The following WHRN variants were observed in gnomAD, a reference collection of about 807,000 sequenced individuals.
WHRN encodes whirlin, also known as CASK-interacting protein CIP98.
WHRN carries 41 observed loss-of-function variants against 68.3 expected under a neutral mutation model. That is an observed-to-expected ratio of 0.60 (90% CI 0.47 to 0.78). The LOEUF (loss-of-function observed/expected upper bound fraction) is 0.78. WHRN is among the 30% of genes least tolerant of loss of function. The probability of loss-of-function intolerance (pLI) is 0.00; values close to 1 mark genes in which losing one functional copy is unlikely to be tolerated. For missense variants in WHRN, 1,243 were observed against 1,244.7 expected, an observed-to-expected ratio of 1.00 and a Z score of 0.02; for synonymous variants, 560 against 561.3, an observed-to-expected ratio of 1.00 and a Z score of 0.03.
At position 114,501,551 on chromosome 9, in the gene WHRN, TACACAC is replaced by T. The variant is rs59195050; in HGVS notation, c.618+2627_618+2632del. On this transcript the variant is annotated intron_variant, in intron 1 of 11. Transcript: ENST00000362057. ...AAATTTAATTTAATTTAATTTTTAT[TACACAC>T]ACACACACACACACACACACACACA... Among the ~76,000 whole-genome samples, 28 of 144,962 alleles carry T rather than the reference TACACAC, an allele frequency of 1.9e-4. 1 individual carries two copies. The highest frequency in any genetic ancestry group is 6.7e-4 in the South Asian group (3 of 4,462).
In WHRN at chr9:114,424,343, G is replaced by C; in HGVS notation, c.1407C>G (p.Thr469=). ...GCAGGGCACGGGTCACCTTGGCGTG[G>C]GTGTTGAGCAGCTTGAACAGGGCCA... is the stretch of plus-strand genomic sequence containing the variant. ...LVMALFKLLN[T]HAKFSLLSEV... is the part of the protein sequence containing the mutation. Residue 469 remains threonine, a synonymous_variant, in exon 6 of 12, where the codon ACC becomes ACG. Transcript: ENST00000362057. The C allele has an allele frequency of 6.2e-7, 1 of 1,612,270 alleles. No homozygotes were observed. The highest frequency in any genetic ancestry group is 8.5e-7 in the Non-Finnish European group (1 of 1,180,004).
intron 3 of WHRN, among the ~76,000 whole-genome samples, chr9:114,456,151 AC>A (rs928951119): frequency 1.1e-4 from 17 of 148,380 alleles, no homozygotes; most frequent in African/African-American, 2.2e-4. Flanking sequence ...AAAAAAAAAA[AC>A]ATCTCCAAAT....
rs115097954 is a variant in WHRN at position 114,458,849 on chromosome 9, C to T, written c.963+7418G>A. Among the ~76,000 whole-genome samples, 940 of 152,332 alleles carry T rather than the reference C, an allele frequency of 6.2e-3. 10 individuals carry two copies. Among genetic ancestry groups the T allele is most frequent in the African/African-American group, 0.021 (875 of 41,574 alleles). On this transcript the variant is annotated intron_variant, in intron 3 of 11. Coordinates refer to ENST00000362057, the MANE Select transcript of WHRN (RefSeq NM_015404.4). ...TAAGAGAAATGGTGGCAGCCAATAT[C>T]CACTGAGTGATTATTCTAGGCTGGG...
At chr9:114,460,332 TA>T (rs1271056559) in intron 3 of WHRN, among the ~76,000 whole-genome samples, 26 of 152,230 alleles carry the variant, frequency 1.7e-4, no homozygotes, top group African/African-American at 6.3e-4. Flanking sequence ...GTTCATGTAT[TA>T]AATGATGTTA....
rs1467059888 is a variant in WHRN at position 114,406,694 on chromosome 9, T to C, written c.1897A>G (p.Thr633Ala). Reference protein sequence around the residue: ...APQNRSPPAGTAPTPGTSSAQ... With the variant: ...APQNRSPPAGAAPTPGTSSAQ... ...GAGGAGGTCCCTGGGGTGGGTGCGGTGCCCGCTGGCGGGCTGCGGTTCTGT... is the reference window on the plus strand; with the variant it reads ...GAGGAGGTCCCTGGGGTGGGTGCGGCGCCCGCTGGCGGGCTGCGGTTCTGT... Residue 633 changes from threonine (T) to alanine (A), a missense_variant, in exon 9 of 12, where the codon ACC (threonine) becomes GCC (alanine). Physicochemically the swap from Thr to Ala is moderately conservative, Grantham distance 58. Coordinates refer to ENST00000362057, the MANE Select transcript of WHRN (RefSeq NM_015404.4). 6.2e-7 allele frequency: 1 copy of C among 1,613,890 alleles called. No individual in the cohort carries two copies. Among genetic ancestry groups the C allele is most frequent in the Non-Finnish European group, 8.5e-7 (1 of 1,180,010 alleles).
At position 114,407,967 on chromosome 9, in the gene WHRN, C is replaced by T. The variant is rs182072601; in HGVS notation, c.1678G>A (p.Ala560Thr). 3.8e-4 allele frequency: 602 copies of T among 1,603,318 alleles called. 1 individual carries two copies. The highest frequency in any genetic ancestry group is 3.3e-4 in the Non-Finnish European group (384 of 1,174,246). ...CTTACCACGGACACATCTGGGAGGGCGTTGATATTGCCCTGGACAGCCTCG... is the reference window on the plus strand; with the variant it reads ...CTTACCACGGACACATCTGGGAGGGTGTTGATATTGCCCTGGACAGCCTCG... ...TGEAVQGNIN[A>T]LPDVSVDDVR... Residue 560 changes from alanine to threonine, a missense_variant, in exon 8 of 12, where the codon GCC (alanine) becomes ACC (threonine). Ala to Thr is a moderately conservative substitution (Grantham distance 58). Transcript: ENST00000362057.
Position 114,504,667 on chromosome 9 carries a change from C to G in WHRN, c.135G>C (p.Ala45=). The G allele has an allele frequency of 6.2e-7, 1 of 1,603,422 alleles. No individual in the cohort carries two copies. The highest frequency in any genetic ancestry group is 8.5e-7 in the Non-Finnish European group (1 of 1,177,166). The part of the protein sequence containing the change: ...LSANVRQLHQ[A]LTALLSEAER... ...CCGCCTCGCTCAGCAGCGCGGTCAG[C>G]GCTTGGTGCAGCTGGCGCACGTTGG... Residue 45 remains alanine (A), a synonymous_variant, in exon 1 of 12, where the codon GCG becomes GCC. Transcript: ENST00000362057.
intron 1 of WHRN, among the ~76,000 whole-genome samples, chr9:114,497,255 C>T (rs1236382602): frequency 6.6e-6 from 1 of 152,042 alleles, no homozygotes; most frequent in South Asian, 2.1e-4. Flanking sequence ...TATTAGGAAA[C>T]TCAGGTGGAG....
In WHRN at chr9:114,403,960, G is replaced by A. The variant is rs201555289; in HGVS notation, c.2354C>T (p.Thr785Ile). The change falls in exon 10 of 12, where the codon ACC becomes ATC. Residue 785 changes from threonine (T) to isoleucine (I), a missense_variant. Physicochemically the swap from Thr to Ile is moderately conservative, Grantham distance 89 (BLOSUM62 -1). Coordinates refer to ENST00000362057, the MANE Select transcript of WHRN (RefSeq NM_015404.4). ...APGRGRQSVS[T>I]KSRSSKELPR... ...CAGCTCCTTGCTACTCCTGCTCTTG[G>A]TGGACACCGACTGCCTTCCTCGGCC... The A allele has an allele frequency of 2.1e-4, 337 of 1,611,612 alleles. 1 individual carries two copies. The highest frequency in any genetic ancestry group is 7.8e-4 in the South Asian group (71 of 91,068).
rs765558552 is a variant in WHRN at position 114,423,515 on chromosome 9, G to A, written c.1425C>T (p.Leu475=). ...KLLNTHAKFS[L]LSEVRGTISP... ...AAATGGTGCCTCTCACCTCAGAGAG[G>A]AGTGAGAACTGGAGGCGGGGACAAA... Residue 475 remains leucine (L), a synonymous_variant, in exon 7 of 12, where the codon CTC becomes CTT. Coordinates refer to ENST00000362057, the MANE Select transcript of WHRN (RefSeq NM_015404.4). 1.4e-5 allele frequency: 22 copies of A among 1,607,386 alleles called. No homozygotes were observed. The highest frequency in any genetic ancestry group is 9.9e-5 in the South Asian group (9 of 90,914).
chr9:114,471,326 TTTG>T lies in WHRN; in HGVS notation c.838-4937_838-4935del, dbSNP rs1450545880. On this transcript the variant is annotated intron_variant, in intron 2 of 11. Transcript: ENST00000362057. ...TGAATCCTCACTCCTCCTCTATGGT[TTTG>T]TTGTTATCCCCACTTTCCAGATGAG... Among the ~76,000 whole-genome samples the T allele has an allele frequency of 4.6e-5, 7 of 152,366 alleles. No individual in the cohort carries two copies. In the South Asian group the frequency reaches 8.3e-4, roughly 18 times the overall value.
At chr9:114,483,721 G>T (rs1252554918) in intron 1 of WHRN, among the ~76,000 whole-genome samples, 1 of 152,206 alleles carries the variant, frequency 6.6e-6, no homozygotes, top group African/African-American at 2.4e-5. Context: ...GGTGTCCTAG[G>T]GTTACTTCTC....
chr9:114,428,065 T>G (rs1837044936), intron 3 of WHRN, among the ~76,000 whole-genome samples: 1 of 152,194 alleles, frequency 6.6e-6, no homozygotes, highest in Non-Finnish European at 1.5e-5. Flanking sequence ...TCGTGGCTCA[T>G]GCCTGTAATC....
At chr9:114,486,574 T>C (rs1842487366) in intron 1 of WHRN, among the ~76,000 whole-genome samples, 1 of 152,006 alleles carries the variant, frequency 6.6e-6, no homozygotes, top group African/African-American at 2.4e-5. Flanking sequence ...AGGAATCTGT[T>C]CAAATTAGGA....
At chr9:114,420,420 C>A (rs972683539) in intron 7 of WHRN, among the ~76,000 whole-genome samples, 3 of 152,150 alleles carry the variant, frequency 2.0e-5, no homozygotes, top group Non-Finnish European at 4.4e-5. Flanking sequence ...GATCCGTATT[C>A]CCAGAGAGAG....
chr9:114,472,547 C>T (rs1841323675), intron 2 of WHRN, among the ~76,000 whole-genome samples: 1 of 152,170 alleles, frequency 6.6e-6, no homozygotes, highest in Non-Finnish European at 1.5e-5. Flanking sequence ...CTCCCATGCC[C>T]TTTCCTTGCT....
At chr9:114,472,957 G>A (rs907716210) in intron 2 of WHRN, among the ~76,000 whole-genome samples, 8 of 152,266 alleles carry the variant, frequency 5.3e-5, no homozygotes, top group South Asian at 2.1e-4. Context: ...ACACAGTCAC[G>A]AAGTTTCAAA....
chr9:114,425,211 C>T, intron 4 of WHRN, 187 bp from the exon 5 acceptor site: 9 of 718,304 alleles, frequency 1.3e-5, no homozygotes, highest in Middle Eastern at 3.5e-4. Flanking sequence ...AGACTGGCAG[C>T]GTCCAGCCTC....
At chr9:114,434,889 G>C (rs940829231) in intron 3 of WHRN, among the ~76,000 whole-genome samples, 1 of 151,960 alleles carries the variant, frequency 6.6e-6, no homozygotes, top group Non-Finnish European at 1.5e-5. Flanking sequence ...AACCAATCTC[G>C]CACCTTCCTC....
Sources: gnomAD v4.1 joint callset for allele counts (sites outside exome capture counted in the v4.1 genomes callset) on GRCh38, gnomAD v4.1.1 for gene constraint, MANE v1.5 for transcripts, NCBI Gene and HGNC (gene_info 2026-07-23, HGNC 2026-07-21) for gene names.